The following ADGRB1 variants were observed in gnomAD, a reference collection of about 807,000 sequenced individuals.
ADGRB1 encodes the protein brain-specific angiogenesis inhibitor 1.
A neutral mutation model predicts 175.7 loss-of-function variants in ADGRB1; 36 were observed. That is an observed-to-expected ratio of 0.20 (90% CI 0.16 to 0.27). The LOEUF is 0.27. Ranked by LOEUF, ADGRB1 falls within the 10% of genes least tolerant of loss-of-function variation. ADGRB1 has a pLI of 1.00. For missense variants in ADGRB1, 1,731 were observed against 2,255.3 expected (o/e 0.77, Z 4.71); for synonymous variants, 1,054 against 979.4 (o/e 1.08, Z -1.42).
intron 2 of ADGRB1, among the ~76,000 whole-genome samples, chr8:142,469,245 A>T (rs112789839): frequency 2.0e-5 from 3 of 150,502 alleles, no homozygotes; most frequent in African/African-American, 7.4e-5. Flanking sequence ...GTGTGCACAC[A>T]TGCATGTGTG....
rs139591430 is a variant in ADGRB1, at chr8:142,499,787, G to A, written c.2675+8972G>A. Among the ~76,000 whole-genome samples, 1,280 of 152,324 alleles carry A rather than the reference G, an allele frequency of 8.4e-3. 27 individuals carry two copies. Among genetic ancestry groups the A allele is most frequent in the African/African-American group, 0.029 (1,210 of 41,576 alleles). ...TGGAATAGCTGGGGGTAGCGGGGGCGTGCAAGGAGAGGGCCGCCACTTCCT... is the reference window on the plus strand; with the variant it reads ...TGGAATAGCTGGGGGTAGCGGGGGCATGCAAGGAGAGGGCCGCCACTTCCT... On this transcript the variant is annotated intron_variant, in intron 17 of 30. Transcript: ENST00000517894.
chr8:142,520,749 T>G, intron 19 of ADGRB1, 74 bp from the exon 20 acceptor site: 2 of 1,333,932 alleles, frequency 1.5e-6, no homozygotes, highest in Non-Finnish European at 2.2e-6. Flanking sequence ...CTGGTCTTGG[T>G]GCCACAGGAC....
chr8:142,520,928 A>G lies in ADGRB1; in HGVS notation c.3024+3A>G. On this transcript the variant is annotated splice_donor_region_variant and intron_variant, in intron 20 of 30. Coordinates refer to ENST00000517894, the MANE Select transcript of ADGRB1 (RefSeq NM_001702.3). Reference sequence around the variant, plus strand: ...GGCAGACCCAGACCCGCAACAAGGTAGGCAGCCTTGCGTCCTGCCATGCAC... The same window carrying G: ...GGCAGACCCAGACCCGCAACAAGGTGGGCAGCCTTGCGTCCTGCCATGCAC... 6.2e-7 allele frequency: 1 copy of G among 1,611,478 alleles called. No homozygotes were observed. Among genetic ancestry groups the G allele is most frequent in the Non-Finnish European group, 8.5e-7 (1 of 1,177,794 alleles).
intron 17 of ADGRB1, among the ~76,000 whole-genome samples, chr8:142,494,006 G>A (rs920005875): frequency 2.6e-5 from 4 of 152,192 alleles, no homozygotes; most frequent in Non-Finnish European, 4.4e-5. Flanking sequence ...AGCTGGTGTG[G>A]GCCTGTGTCG....
intron 20 of ADGRB1, among the ~76,000 whole-genome samples, chr8:142,521,666 C>T (rs1843857907): frequency 6.6e-6 from 1 of 152,238 alleles, no homozygotes; most frequent in South Asian, 2.1e-4. Context: ...CTCCTGAACG[C>T]ATGGGCGGGT....
intron 24 of ADGRB1, among the ~76,000 whole-genome samples, chr8:142,532,228 G>A (rs1473832807): frequency 6.6e-6 from 1 of 152,182 alleles, no homozygotes; most frequent in Non-Finnish European, 1.5e-5. Context: ...CCTGCGGGCA[G>A]GCACAGGGCC....
chr8:142,478,278 A>G lies in ADGRB1; in HGVS notation c.1479A>G (p.Glu493=). The change falls in exon 7 of 31, where the codon GAA becomes GAG. Residue 493 remains glutamate (E), a synonymous_variant. Coordinates refer to ENST00000517894, the MANE Select transcript of ADGRB1 (RefSeq NM_001702.3). ...AGGGCCGACAGCAGCGCACGCGTGA[A>G]TGCAACGGGCCTTCCTACGGGGGTG... is the stretch of plus-strand genomic sequence containing the variant. ...CSQGRQQRTR[E]CNGPSYGGAE... 2 of 1,610,746 alleles carry G rather than the reference A, an allele frequency of 1.2e-6. No homozygotes were observed. The highest frequency in any genetic ancestry group is 2.2e-5 in the South Asian group (2 of 90,434).
intron 1 of ADGRB1, 22 bp from the exon 2 acceptor site, chr8:142,463,958 C>T: frequency 8.5e-6 from 3 of 351,066 alleles, no homozygotes; most frequent in Non-Finnish European, 1.5e-5. Context: ...CTCACTCTGA[C>T]CCTCTGCTCT....
intron 1 of ADGRB1, among the ~76,000 whole-genome samples, chr8:142,458,427 C>T (rs927009563): frequency 2.0e-5 from 3 of 152,154 alleles, no homozygotes; most frequent in Admixed American, 6.5e-5. Flanking sequence ...TACTGCCTTG[C>T]CCACCTCATG....
At position 142,543,507 on chromosome 8, in the gene ADGRB1, G is replaced by A. The variant is rs1037011183; in HGVS notation, c.4449+69G>A. Reference sequence around the variant, plus strand: ...GTGCTCTGGGCTCCCACACGGCCAGGCAGCTCCCCGGCAGCCAGGGGACGG... The same window carrying A: ...GTGCTCTGGGCTCCCACACGGCCAGACAGCTCCCCGGCAGCCAGGGGACGG... On this transcript the variant is annotated intron_variant, in intron 29 of 30. Transcript: ENST00000517894. The surrounding 1 kb of genome is among the most constrained non-coding windows in gnomAD (Gnocchi z 4.4). 3 of 1,607,738 alleles carry A rather than the reference G, an allele frequency of 1.9e-6. No individual in the cohort carries two copies. The African/African-American group carries it at 4.0e-5, about 22-fold the overall frequency.
intron 25 of ADGRB1, among the ~76,000 whole-genome samples, chr8:142,533,828 G>A (rs370801388): frequency 8.1e-4 from 124 of 152,314 alleles, no homozygotes; most frequent in African/African-American, 2.8e-3. Flanking sequence ...TGCTTCCGGC[G>A]TTTTCTGGAT....
At chr8:142,541,915 C>G in intron 27 of ADGRB1, 26 bp from the exon 28 acceptor site, 1 of 1,522,860 alleles carries the variant, frequency 6.6e-7, no homozygotes, top group Non-Finnish European at 8.8e-7. Context: ...CACCTGTCCC[C>G]GCTGTCTCCC....
At chr8:142,520,126 ATGATGG>A (rs1324966817) in intron 19 of ADGRB1, among the ~76,000 whole-genome samples, 2 of 113,548 alleles carry the variant, frequency 1.8e-5, no homozygotes, top group African/African-American at 6.9e-5. Context: ...TTGTATGATG[ATGATGG>A]TGGTGATGGT....
chr8:142,488,669 G>A (rs1841821948), intron 14 of ADGRB1, among the ~76,000 whole-genome samples, 162 bp downstream of exon 14: 1 of 152,164 alleles, frequency 6.6e-6, no homozygotes, highest in Admixed American at 6.5e-5. Context: ...TGGGGCCAGG[G>A]CCTGCGGATC....
Position 142,464,114 on chromosome 8 carries a change from GCCCGCCGCCGGAC to G in ADGRB1, c.-82_-70del. On this transcript the variant is annotated 5_prime_UTR_variant, in exon 2 of 31. Coordinates refer to ENST00000517894, the MANE Select transcript of ADGRB1 (RefSeq NM_001702.3). ...TCCCTGCCCCCACCGGGCCGGCCCT[GCCCGCCGCCGGAC>G]CCTGGCATGTCAAGACCTGGTCCGC... 9.2e-7 allele frequency: 1 copy of G among 1,089,422 alleles called. No individual in the cohort carries two copies. Among genetic ancestry groups the G allele is most frequent in the Non-Finnish European group, 1.1e-6 (1 of 880,392 alleles). The allele number at this position is 1,089,422 out of a possible 1,614,324, so 67.5% of individuals were successfully genotyped here.
intron 1 of ADGRB1, among the ~76,000 whole-genome samples, chr8:142,457,209 C>A (rs1839729301): frequency 1.3e-5 from 2 of 152,192 alleles, no homozygotes; most frequent in African/African-American, 4.8e-5. Flanking sequence ...CTCCTATCTT[C>A]CCCTGGAGTC....
chr8:142,477,662 G>A (rs760670855), intron 6 of ADGRB1, 113 bp downstream of exon 6: 119 of 1,354,628 alleles, frequency 8.8e-5, no homozygotes, highest in Non-Finnish European at 1.1e-4. Context: ...CCCACCTCAG[G>A]GTGCTCAGAG....
intron 3 of ADGRB1, 63 bp downstream of exon 3, chr8:142,475,698 G>GA (rs1840923634): frequency 8.3e-7 from 1 of 1,198,226 alleles, no homozygotes; most frequent in Non-Finnish European, 1.0e-6. Context: ...TGAGGGAGGA[G>GA]AGGGGGGTGG....
rs187729885 is a variant in ADGRB1 at position 142,499,698 on chromosome 8, C to T, written c.2675+8883C>T. On this transcript the variant is annotated intron_variant, in intron 17 of 30. Coordinates refer to ENST00000517894, the MANE Select transcript of ADGRB1 (RefSeq NM_001702.3). ...TGGGCCTCCGGGGGCCCCTTGCCTGCGTCCCCATGCCGCCTTTTAGAAGCA... is the reference window on the plus strand; with the variant it reads ...TGGGCCTCCGGGGGCCCCTTGCCTGTGTCCCCATGCCGCCTTTTAGAAGCA... Among the ~76,000 whole-genome samples the T allele has an allele frequency of 1.4e-4, 21 of 152,348 alleles. No homozygotes were observed. The East Asian group carries it at 3.1e-3, about 22-fold the overall frequency.
Sources: gnomAD v4.1 joint callset for allele counts (sites outside exome capture counted in the v4.1 genomes callset) on GRCh38, gnomAD v4.1.1 for gene constraint, Gnocchi (gnomAD v3.1) non-coding constraint, MANE v1.5 for transcripts, NCBI Gene and HGNC (gene_info 2026-07-23, HGNC 2026-07-21) for gene names.